CDC123: variants seen among roughly 807,000 people sequenced by gnomAD.
The protein encoded by CDC123 is cell division cycle 123.
CDC123 carries 37 observed loss-of-function variants against 54.4 expected under a neutral mutation model. The ratio of observed to expected loss-of-function variants is 0.68; its 90% CI spans 0.52 to 0.89. The LOEUF (loss-of-function observed/expected upper bound fraction) is 0.89. Ranked by LOEUF, CDC123 falls within the 40% of genes least tolerant of loss-of-function variation. CDC123 has a pLI of 0.00. For missense variants in CDC123, 361 were observed against 412.1 expected, an observed-to-expected ratio of 0.88 and a Z score of 1.07; for synonymous variants, 144 against 136.8, an observed-to-expected ratio of 1.05 and a Z score of -0.37.
chr10:12,217,336 A>G lies in CDC123; in HGVS notation c.334-25A>G, dbSNP rs766105516. On this transcript the variant is annotated intron_variant, in intron 5 of 12. Transcript: ENST00000281141. ...TAGCAGCCAACATGGAATATGGACT[A>G]AATAGCATGTGCTTCATTCTTTAGG... 18 of 1,605,102 alleles carry G rather than the reference A, an allele frequency of 1.1e-5. No homozygotes were observed. In the South Asian group the frequency reaches 1.9e-4, roughly 17 times the overall value.
intron 10 of CDC123, among the ~76,000 whole-genome samples, chr10:12,244,424 G>A (rs1374173674): frequency 1.3e-5 from 2 of 152,184 alleles, no homozygotes; most frequent in Non-Finnish European, 2.9e-5. Flanking sequence ...ATCGGATGCC[G>A]TGGCCGTCAT....
chr10:12,215,239 G>A (rs1835648421), intron 4 of CDC123, among the ~76,000 whole-genome samples: 1 of 152,206 alleles, frequency 6.6e-6, no homozygotes. Flanking sequence ...AAATAGCAGT[G>A]TTTAAATACA....
chr10:12,233,469 A>G (rs1835931610), intron 7 of CDC123, among the ~76,000 whole-genome samples: 1 of 152,186 alleles, frequency 6.6e-6, no homozygotes, highest in East Asian at 1.9e-4. Flanking sequence ...TGTGAAAATC[A>G]ACCACAGTGT....
chr10:12,204,597 C>T (rs766402157), intron 2 of CDC123, among the ~76,000 whole-genome samples: 9 of 152,098 alleles, frequency 5.9e-5, no homozygotes, highest in Non-Finnish European at 8.8e-5. Context: ...GTGTCCATCC[C>T]CTCAAGCATT....
intron 4 of CDC123, among the ~76,000 whole-genome samples, chr10:12,214,047 G>A (rs966645847): frequency 2.0e-5 from 3 of 152,200 alleles, no homozygotes; most frequent in Admixed American, 6.6e-5. Flanking sequence ...ACTTAAGACT[G>A]TGCATAAACT....
chr10:12,212,009 A>T (rs1259947514), intron 4 of CDC123, among the ~76,000 whole-genome samples: 1 of 151,970 alleles, frequency 6.6e-6, no homozygotes, highest in Non-Finnish European at 1.5e-5. Context: ...AATTGCTTGA[A>T]CCCAGGAGGT....
rs940325573 is a variant in CDC123, at chr10:12,217,344, T to G, written c.334-17T>G. Reference sequence around the variant, plus strand: ...AACATGGAATATGGACTAAATAGCATGTGCTTCATTCTTTAGGATGCGTAT... The same window carrying G: ...AACATGGAATATGGACTAAATAGCAGGTGCTTCATTCTTTAGGATGCGTAT... On this transcript the variant is annotated splice_polypyrimidine_tract_variant and intron_variant, in intron 5 of 12. Transcript: ENST00000281141. The G allele has an allele frequency of 6.2e-7, 1 of 1,607,626 alleles. No individual in the cohort carries two copies. The highest frequency in any genetic ancestry group is 2.2e-5 in the East Asian group (1 of 44,698).
At chr10:12,238,689 A>C (rs1180251530) in intron 10 of CDC123, among the ~76,000 whole-genome samples, 5 of 152,204 alleles carry the variant, frequency 3.3e-5, no homozygotes. Flanking sequence ...TAGCCTGGGC[A>C]ACATAGTGAG....
intron 7 of CDC123, among the ~76,000 whole-genome samples, chr10:12,234,367 G>A (rs531141960): frequency 1.5e-4 from 23 of 152,320 alleles, no homozygotes; most frequent in Admixed American, 2.6e-4. Flanking sequence ...ACAGGCACCC[G>A]CCACCATGCC....
chr10:12,214,045 C>G (rs373959597), intron 4 of CDC123, among the ~76,000 whole-genome samples: 1 of 152,188 alleles, frequency 6.6e-6, no homozygotes, highest in African/African-American at 2.4e-5. Context: ...CCACTTAAGA[C>G]TGTGCATAAA....
At position 12,209,593 on chromosome 10, in the gene CDC123, C is replaced by T. The variant is rs776989353; in HGVS notation, c.147-374C>T. On this transcript the variant is annotated intron_variant, in intron 2 of 12. Transcript: ENST00000281141. Reference sequence around the variant, plus strand: ...TATTTATTTTTGAGACAGTGTTTTACGTTGTCACCCAGGCTGGAGTGCAGT... The same window carrying T: ...TATTTATTTTTGAGACAGTGTTTTATGTTGTCACCCAGGCTGGAGTGCAGT... 2.6e-5 allele frequency among the ~76,000 whole-genome samples: 4 copies of T among 152,028 alleles called. No homozygotes were observed. In the South Asian group the frequency reaches 8.3e-4, roughly 32 times the overall value.
At position 12,227,093 on chromosome 10, in the gene CDC123, A is replaced by G. The variant is rs562994278; in HGVS notation, c.441-3855A>G. Among the ~76,000 whole-genome samples, 340 of 152,258 alleles carry G rather than the reference A, an allele frequency of 2.2e-3. 2 individuals carry two copies. The highest frequency in any genetic ancestry group is 4.7e-3 in the Admixed American group (72 of 15,294). On this transcript the variant is annotated intron_variant, in intron 6 of 12. Coordinates refer to ENST00000281141, the MANE Select transcript of CDC123 (RefSeq NM_006023.3). ...ACACGGCAAAACCCTGTCTCCACCA[A>G]AAAAATACGAAAACCAGTCAGGCGT...
chr10:12,231,625 C>CAAAAAAA (rs368800002), intron 7 of CDC123, among the ~76,000 whole-genome samples: 1 of 77,270 alleles, frequency 1.3e-5, no homozygotes, highest in Non-Finnish European at 2.5e-5. Context: ...AACTCCGTCT[C>CAAAAAAA]AAAAAAAAAA....
At chr10:12,238,350 C>A in intron 9 of CDC123, 107 bp from the exon 10 acceptor site, 1 of 1,264,762 alleles carries the variant, frequency 7.9e-7, no homozygotes, top group Non-Finnish European at 1.1e-6. Context: ...TCCTCAGGGT[C>A]ATTTATATTC....
chr10:12,246,644 A>C (rs74118734), intron 11 of CDC123: 4,271 of 166,474 alleles, frequency 0.026, 203 homozygotes, highest in African/African-American at 0.097. Flanking sequence ...GATTCCTGTC[A>C]GCTTTCTCCT....
At chr10:12,228,230 A>G (rs978155632) in intron 6 of CDC123, among the ~76,000 whole-genome samples, 6 of 152,090 alleles carry the variant, frequency 3.9e-5, no homozygotes, top group African/African-American at 1.4e-4. Context: ...CCCTGTGCCC[A>G]GTCCTTAATT....
At chr10:12,196,619 C>A (rs1283122696) in intron 1 of CDC123, among the ~76,000 whole-genome samples, 1 of 152,162 alleles carries the variant, frequency 6.6e-6, no homozygotes, top group Non-Finnish European at 1.5e-5. Flanking sequence ...GCAAGGTGAT[C>A]ACTGCCTAAG....
chr10:12,241,080 C>T (rs1396027129), intron 10 of CDC123, among the ~76,000 whole-genome samples: 10 of 152,120 alleles, frequency 6.6e-5, no homozygotes, highest in African/African-American at 2.2e-4. Context: ...CTTGCCTTTA[C>T]AATATAGGGT....
At chr10:12,240,518 A>G (rs888865526) in intron 10 of CDC123, among the ~76,000 whole-genome samples, 1 of 152,208 alleles carries the variant, frequency 6.6e-6, no homozygotes, top group Non-Finnish European at 1.5e-5. Context: ...ACGTCAAAAG[A>G]CATCACTATA....
Sources: allele counts gnomAD v4.1 joint callset (sites outside exome capture counted in the v4.1 genomes callset), GRCh38; gene constraint gnomAD v4.1.1; transcripts MANE v1.5; gene names NCBI Gene and HGNC (gene_info 2026-07-23, HGNC 2026-07-21).